Variants in ODAD3 observed in about 807,000 individuals in gnomAD.
The protein encoded by ODAD3 is outer dynein arm-docking complex subunit 3.
Under a neutral mutation model 70.9 loss-of-function variants are expected in ODAD3, and 57 were observed. The observed-to-expected ratio is 0.80, with a 90% CI of 0.65 to 1.00. The LOEUF is 1.00. Among genes scored for constraint, ODAD3 ranks in the 50% least tolerant of loss-of-function variants. The probability of loss-of-function intolerance (pLI) is 0.00; values close to 1 mark genes in which losing one functional copy is unlikely to be tolerated. For synonymous variants in ODAD3, 327 were observed against 315.9 expected (o/e 1.04, Z -0.37); for missense variants, 797 against 763.9 (o/e 1.04, Z -0.51).
intron 3 of ODAD3, among the ~76,000 whole-genome samples, chr19:11,427,829 G>T (rs887847889): frequency 1.3e-5 from 2 of 151,662 alleles, no homozygotes; most frequent in South Asian, 2.1e-4. Flanking sequence ...GGCTGGGCGC[G>T]GTGGCTCCCG....
chr19:11,420,830 C>G lies in ODAD3; in HGVS notation c.*5G>C. The G allele has an allele frequency of 6.2e-7, 1 of 1,612,278 alleles. No individual in the cohort carries two copies. The highest frequency in any genetic ancestry group is 8.5e-7 in the Non-Finnish European group (1 of 1,178,616). On this transcript the variant is annotated 3_prime_UTR_variant, in exon 13 of 13. Coordinates refer to ENST00000356392, the MANE Select transcript of ODAD3 (RefSeq NM_145045.5). ...GGGGGCCGCCTGGTGGGTGTCAGGA[C>G]GAGTCTAGGACCTCCGAGAGCGACG...
Position 11,426,948 on chromosome 19 carries a change from C to T in ODAD3, c.537G>A (p.Glu179=). The T allele has an allele frequency of 6.2e-7, 1 of 1,607,424 alleles. No homozygotes were observed. The highest frequency in any genetic ancestry group is 8.5e-7 in the Non-Finnish European group (1 of 1,179,128). ...GCAGGCTGTGCTGCAGCTGGAGCTC[C>T]TCCAGCCGCCTCTGCCGCAACACCA... ...HQVVLRQRRL[E]ELQLQHSLRL... is the part of the protein sequence containing the mutation. The change falls in exon 4 of 13, where the codon GAG becomes GAA. Residue 179 remains glutamate (E), a synonymous_variant. Coordinates refer to ENST00000356392, the MANE Select transcript of ODAD3 (RefSeq NM_145045.5).
chr19:11,435,737 C>A, upstream of ODAD3: 1 of 1,344,692 alleles, frequency 7.4e-7, no homozygotes. Flanking sequence ...GGGAGGGCAC[C>A]TCAGTTTCTT....
intron 1 of ODAD3, among the ~76,000 whole-genome samples, chr19:11,432,387 T>C (rs923190437): frequency 3.3e-5 from 5 of 152,180 alleles, no homozygotes; most frequent in African/African-American, 1.2e-4. Context: ...TAGCTAGGAC[T>C]AGAGGCATGT....
chr19:11,431,117 T>TC, intron 1 of ODAD3, 97 bp from the exon 2 acceptor site: 2 of 1,488,284 alleles, frequency 1.3e-6, no homozygotes, highest in East Asian at 2.3e-5. Flanking sequence ...CATCAACTTT[T>TC]TTTTTTTTTT....
intron 7 of ODAD3, among the ~76,000 whole-genome samples, chr19:11,425,165 GTGTA>G: frequency 7.7e-6 from 1 of 130,646 alleles, no homozygotes; most frequent in Non-Finnish European, 1.6e-5. Flanking sequence ...ATATACATAT[GTGTA>G]TATGTACATA....
Position 11,420,734 on chromosome 19 carries a change from C to T in ODAD3, c.*101G>A, listed in dbSNP as rs370633080. The T allele has an allele frequency of 7.9e-5, 81 of 1,023,634 alleles. 1 individual carries two copies. Among genetic ancestry groups the T allele is most frequent in the South Asian group, 2.2e-4 (16 of 73,780 alleles). 63.4% of individuals were successfully genotyped at this position (1,023,634 alleles called of 1,614,324 possible). A position where few individuals can be genotyped will look rare whatever the true frequency, so the allele number is the denominator to read the frequency against. ...CCGCTGGCCGCCTCCGTTCCCGGTC[C>T]GGGCCGCGTTCAGCCCCTGAAGGGG... On this transcript the variant is annotated 3_prime_UTR_variant, in exon 13 of 13. Transcript: ENST00000356392.
At position 11,426,488 on chromosome 19, in the gene ODAD3, G is replaced by A; in HGVS notation, c.798C>T (p.His266=). 3 of 1,614,072 alleles carry A rather than the reference G, an allele frequency of 1.9e-6. No homozygotes were observed. The highest frequency in any genetic ancestry group is 2.5e-6 in the Non-Finnish European group (3 of 1,179,968). Reference sequence around the variant, plus strand: ...CATTGAGGGCCTCTTGGTTCACCACGTGCAGTGCCTCCAGCTCATGTTTGG... The same window carrying A: ...CATTGAGGGCCTCTTGGTTCACCACATGCAGTGCCTCCAGCTCATGTTTGG... ...VRTKHELEAL[H]VVNQEALNAR... is the part of the protein sequence containing the mutation. The change falls in exon 6 of 13, where the codon CAC becomes CAT. Residue 266 remains histidine, a synonymous_variant. Coordinates refer to ENST00000356392, the MANE Select transcript of ODAD3 (RefSeq NM_145045.5).
In ODAD3 at chr19:11,421,696, C is replaced by T. The variant is rs1333996872; in HGVS notation, c.1571G>A (p.Cys524Tyr). Residue 524 changes from cysteine (C) to tyrosine (Y), a missense_variant, in exon 11 of 13, where the codon TGC becomes TAC. Physicochemically the swap from Cys to Tyr is radical, Grantham distance 194 (BLOSUM62 -2). Coordinates refer to ENST00000356392, the MANE Select transcript of ODAD3 (RefSeq NM_145045.5). ...LQGHDVQEMLCHIANREFLAS... is the reference protein window; with the variant it reads ...LQGHDVQEMLYHIANREFLAS... ...GGGCACCTCGCGGTTAGCGATGTGGCACAGCATCTCCTGCACGTCGTGGCC... is the reference window on the plus strand; with the variant it reads ...GGGCACCTCGCGGTTAGCGATGTGGTACAGCATCTCCTGCACGTCGTGGCC... 1.2e-6 allele frequency: 2 copies of T among 1,612,960 alleles called. No individual in the cohort carries two copies. Among genetic ancestry groups the T allele is most frequent in the Non-Finnish European group, 8.5e-7 (1 of 1,179,754 alleles).
At chr19:11,426,595 G>A in intron 5 of ODAD3, 24 bp from the exon 6 acceptor site, 1 of 1,613,978 alleles carries the variant, frequency 6.2e-7, no homozygotes. Context: ...GGGAGGGGTA[G>A]CGGAGATGGT....
chr19:11,422,117 G>A lies in ODAD3; in HGVS notation c.1435-285C>T, dbSNP rs1478515256. On this transcript the variant is annotated intron_variant, in intron 10 of 12. Transcript: ENST00000356392. This position sits in a 1 kb window ranked among gnomAD's most constrained non-coding sequence, Gnocchi z 4.6. ...TGGCCTCCTGAAGAAATGGCCCTCT[G>A]CTGCGGGCAGGATAGGTCTTCTGTC... Among the ~76,000 whole-genome samples the A allele has an allele frequency of 6.6e-6, 1 of 152,246 alleles. No individual in the cohort carries two copies. Among genetic ancestry groups the A allele is most frequent in the Non-Finnish European group, 1.5e-5 (1 of 68,024 alleles).
chr19:11,435,207 G>C, upstream of ODAD3: 1 of 1,422,974 alleles, frequency 7.0e-7, no homozygotes, highest in South Asian at 1.5e-5. Flanking sequence ...TTTCCATGGA[G>C]ATCACCCGCG....
In ODAD3 at chr19:11,425,088, CATATGTGTATATATGTAT is replaced by C. The variant is rs1465812343; in HGVS notation, c.963+1038_963+1055del. ...GTATATATGTATATGTGTATATGTA[CATATGTGTATATATGTAT>C]ATATGTGTATATGTACATATGTGTA... On this transcript the variant is annotated intron_variant, in intron 7 of 12. Coordinates refer to ENST00000356392, the MANE Select transcript of ODAD3 (RefSeq NM_145045.5). Among the ~76,000 whole-genome samples the C allele has an allele frequency of 4.1e-3, 505 of 121,810 alleles. 31 individuals are homozygous for C. Among genetic ancestry groups the C allele is most frequent in the Middle Eastern group, 0.024 (2 of 84 alleles). The allele number at this position is 121,810 out of a possible 152,430, so 79.9% of individuals were successfully genotyped here.
In ODAD3 at chr19:11,434,584, A is replaced by T. The variant is rs146991293; in HGVS notation, c.244+189T>A. The stretch of plus-strand genomic sequence containing the variant: ...AATAAATTACAAGAAAGTATGAAGT[A>T]CAGTTCAGTCGGTTCTGAACCCATG... On this transcript the variant is annotated intron_variant, in intron 1 of 12. Coordinates refer to ENST00000356392, the MANE Select transcript of ODAD3 (RefSeq NM_145045.5). 40 of 591,388 alleles carry T rather than the reference A, an allele frequency of 6.8e-5. No homozygotes were observed. In the African/African-American group the frequency reaches 7.1e-4, roughly 10 times the overall value. 36.6% of individuals were successfully genotyped at this position (591,388 alleles called of 1,614,324 possible).
At chr19:11,428,268 G>T (rs934715627) in intron 3 of ODAD3, among the ~76,000 whole-genome samples, 1 of 151,710 alleles carries the variant, frequency 6.6e-6, no homozygotes, top group Non-Finnish European at 1.5e-5. Flanking sequence ...TTGAGATGGG[G>T]TCTCACCCTG....
rs982289018 is a variant in ODAD3, at chr19:11,425,223, G to A, written c.963+921C>T. On this transcript the variant is annotated intron_variant, in intron 7 of 12. Transcript: ENST00000356392. Reference sequence around the variant, plus strand: ...TGTATGTGTACATATGTGTATATATGTGTGTATATGTACATATGTGTATAT... The same window carrying A: ...TGTATGTGTACATATGTGTATATATATGTGTATATGTACATATGTGTATAT... Among the ~76,000 whole-genome samples the A allele has an allele frequency of 4.0e-4, 46 of 114,488 alleles. 2 individuals carry two copies. The highest frequency in any genetic ancestry group is 2.9e-3 in the East Asian group (9 of 3,056). 75.1% of individuals were successfully genotyped at this position (114,488 alleles called of 152,430 possible).
chr19:11,425,191 A>G (rs1337102244), intron 7 of ODAD3, among the ~76,000 whole-genome samples: 2 of 131,036 alleles, frequency 1.5e-5, no homozygotes, highest in South Asian at 2.3e-4. Flanking sequence ...GTGTATATAT[A>G]CATATGTGTA....
rs765092775 is a variant in ODAD3, at chr19:11,422,848, C to T, written c.1130G>A (p.Arg377Gln). 44 of 1,603,786 alleles carry T rather than the reference C, an allele frequency of 2.7e-5. No individual in the cohort carries two copies. Among genetic ancestry groups the T allele is most frequent in the Non-Finnish European group, 3.4e-6 (4 of 1,179,756 alleles). Residue 377 changes from arginine to glutamine, a missense_variant, in exon 9 of 13, where the codon CGG (arginine) becomes CAG (glutamine). Physicochemically the swap from Arg to Gln is conservative, Grantham distance 43. Transcript: ENST00000356392. The surrounding 1 kb of genome is among the most constrained non-coding windows in gnomAD (Gnocchi z 4.6). The part of the protein sequence containing the change: ...GTDETHSLVR[R>Q]FLAQGDTFAQ... ...GAAGGTGTCGCCCTGGGCCAGGAACCGCCGCACCAACGACTGCGGGCCACC... is the reference window on the plus strand; with the variant it reads ...GAAGGTGTCGCCCTGGGCCAGGAACTGCCGCACCAACGACTGCGGGCCACC...
rs1969204949 is a variant in ODAD3 at position 11,424,036 on chromosome 19, G to A, written c.964-7C>T. The A allele has an allele frequency of 6.2e-7, 1 of 1,605,300 alleles. No individual in the cohort carries two copies. The highest frequency in any genetic ancestry group is 8.5e-7 in the Non-Finnish European group (1 of 1,178,762). On this transcript the variant is annotated splice_region_variant and splice_polypyrimidine_tract_variant and intron_variant, in intron 7 of 12. Coordinates refer to ENST00000356392, the MANE Select transcript of ODAD3 (RefSeq NM_145045.5). ...GCAGGTGCTCGCGGTGGGTCTGCTCGTGGGTTGAGGTCAGAGCCAGGGTCA... is the reference window on the plus strand; with the variant it reads ...GCAGGTGCTCGCGGTGGGTCTGCTCATGGGTTGAGGTCAGAGCCAGGGTCA...
Sources: gnomAD v4.1 joint callset for allele counts (sites outside exome capture counted in the v4.1 genomes callset) on GRCh38, gnomAD v4.1.1 for gene constraint, Gnocchi (gnomAD v3.1) non-coding constraint, MANE v1.5 for transcripts, NCBI Gene and HGNC (gene_info 2026-07-23, HGNC 2026-07-21) for gene names.